NIPBL: variants seen among roughly 807,000 people sequenced by gnomAD.
NIPBL encodes the protein NIPBL cohesin loading factor.
Under a neutral mutation model 321.8 loss-of-function variants are expected in NIPBL, and 19 were observed. That is an observed-to-expected ratio of 0.06 (90% CI 0.04 to 0.09). The LOEUF is 0.09. Ranked by LOEUF, NIPBL falls within the 10% of genes least tolerant of loss-of-function variation. The pLI is 1.00. For missense variants in NIPBL, 2,210 were observed against 3,327.0 expected, an observed-to-expected ratio of 0.66 and a Z score of 8.26; for synonymous variants, 1,106 against 1,114.1, an observed-to-expected ratio of 0.99 and a Z score of 0.14.
rs924627519 is a variant in NIPBL at position 37,014,448 on chromosome 5, A to G, written c.4561-235A>G. Among the ~76,000 whole-genome samples the G allele has an allele frequency of 9.9e-5, 15 of 152,166 alleles. 1 individual carries two copies. In the East Asian group the frequency reaches 1.3e-3, roughly 14 times the overall value. ...TATTGATATTAAATTTGTTAACCAC[A>G]TATGTTACTCTTACATTATTTTAAT... On this transcript the variant is annotated intron_variant, in intron 21 of 46. Coordinates refer to ENST00000282516, the MANE Select transcript of NIPBL (RefSeq NM_133433.4).
chr5:36,960,012 G>C (rs572733978), intron 4 of NIPBL, among the ~76,000 whole-genome samples: 2 of 152,008 alleles, frequency 1.3e-5, no homozygotes, highest in African/African-American at 2.4e-5. Context: ...TAGGAGGATT[G>C]CTTGAGCCCA....
intron 38 of NIPBL, 84 bp from the exon 39 acceptor site, chr5:37,048,418 T>G: frequency 1.2e-4 from 96 of 813,374 alleles, no homozygotes; most frequent in East Asian, 3.1e-4. Flanking sequence ...AAGGAGCCGT[T>G]TATATAATTT....
Position 36,999,793 on chromosome 5 carries a change from ACTGTACAGGTTTTTT to A in NIPBL, c.3305-575_3305-561del, listed in dbSNP as rs1445154002. On this transcript the variant is annotated intron_variant, in intron 11 of 46. Transcript: ENST00000282516. Reference sequence around the variant, plus strand: ...TGAATTCATTATGTGAGTATTTACAACTGTACAGGTTTTTTCTGTCTCAGTAGGCTTGTCATGTTA... The same window carrying A: ...TGAATTCATTATGTGAGTATTTACAACTGTCTCAGTAGGCTTGTCATGTTA... 2.6e-5 allele frequency among the ~76,000 whole-genome samples: 4 copies of A among 152,306 alleles called. No individual in the cohort carries two copies. In the East Asian group the frequency reaches 5.8e-4, roughly 22 times the overall value.
chr5:37,039,479 T>C (rs1752087752), intron 34 of NIPBL, among the ~76,000 whole-genome samples: 2 of 152,038 alleles, frequency 1.3e-5, no homozygotes, highest in South Asian at 4.1e-4. Flanking sequence ...AAAGTATATA[T>C]GACAGCATAG....
At chr5:36,938,039 C>G (rs1208515394) in intron 1 of NIPBL, among the ~76,000 whole-genome samples, 3 of 152,114 alleles carry the variant, frequency 2.0e-5, no homozygotes, top group African/African-American at 7.2e-5. Flanking sequence ...CCATTTACCC[C>G]CTGCTCCTAA....
At chr5:36,970,509 G>A (rs1387168777) in intron 6 of NIPBL, among the ~76,000 whole-genome samples, 7 of 150,538 alleles carry the variant, frequency 4.6e-5, no homozygotes, top group Non-Finnish European at 8.9e-5. Flanking sequence ...AAATTATAAT[G>A]TAAAAACAAC....
chr5:36,922,990 A>G (rs965479501), intron 1 of NIPBL, among the ~76,000 whole-genome samples: 5 of 152,106 alleles, frequency 3.3e-5, no homozygotes, highest in Admixed American at 1.3e-4. Flanking sequence ...AACTAAACCA[A>G]TTAAAGCTGG....
rs1018283914 is a variant in NIPBL, at chr5:36,984,555, A to T, written c.1496-121A>T. On this transcript the variant is annotated intron_variant, in intron 9 of 46. Transcript: ENST00000282516. ...TACTATTTTATGTGTACATATTTGC[A>T]TTTGCATTTTACTCCATTTTAAAAA... 3 of 817,200 alleles carry T rather than the reference A, an allele frequency of 3.7e-6. No homozygotes were observed. The African/African-American group carries it at 5.2e-5, about 14-fold the overall frequency. 50.6% of individuals were successfully genotyped at this position (817,200 alleles called of 1,614,324 possible).
chr5:37,046,997 T>C (rs1753049265), intron 38 of NIPBL, among the ~76,000 whole-genome samples: 1 of 152,184 alleles, frequency 6.6e-6, no homozygotes, highest in African/African-American at 2.4e-5. Context: ...ATTACACCTG[T>C]ACTAAATATG....
At chr5:36,987,997 A>C (rs1429132116) in intron 10 of NIPBL, among the ~76,000 whole-genome samples, 1 of 152,138 alleles carries the variant, frequency 6.6e-6, no homozygotes, top group Non-Finnish European at 1.5e-5. Context: ...GTCAGGTGAA[A>C]GATGGAAAGT....
chr5:36,917,956 A>G (rs1229397700), intron 1 of NIPBL, among the ~76,000 whole-genome samples: 9 of 152,128 alleles, frequency 5.9e-5, no homozygotes, highest in African/African-American at 1.4e-4. Flanking sequence ...GTCAGGTAGC[A>G]TGATGCCTCC....
Position 37,064,949 on chromosome 5 carries a change from G to A in NIPBL, c.*57G>A. 1.2e-6 allele frequency: 2 copies of A among 1,603,806 alleles called. No individual in the cohort carries two copies. The highest frequency in any genetic ancestry group is 1.1e-5 in the South Asian group (1 of 90,604). On this transcript the variant is annotated 3_prime_UTR_variant, in exon 47 of 47. Coordinates refer to ENST00000282516, the MANE Select transcript of NIPBL (RefSeq NM_133433.4). ...ATTTTTTTAAAAGGCAGAAAAACTT[G>A]AAATACCAACATTCTGGCAAAAAAA...
chr5:37,055,461 T>G (rs895857386), intron 42 of NIPBL, among the ~76,000 whole-genome samples: 5 of 151,958 alleles, frequency 3.3e-5, no homozygotes, highest in African/African-American at 1.2e-4. Context: ...ACTGGAATAT[T>G]TTTATCTTGA....
In NIPBL at chr5:36,987,760, CA is replaced by C. The variant is rs1410509876; in HGVS notation, c.3121+1463del. Reference sequence around the variant, plus strand: ...TTTAAATTATGGCAATTAGACTTACCAAAAGTCAGTTAAGACATCAGCCTTA... The same window carrying C: ...TTTAAATTATGGCAATTAGACTTACCAAAGTCAGTTAAGACATCAGCCTTA... On this transcript the variant is annotated intron_variant, in intron 10 of 46. Transcript: ENST00000282516. Among the ~76,000 whole-genome samples, 15 of 152,182 alleles carry C rather than the reference CA, an allele frequency of 9.9e-5. No individual in the cohort carries two copies. The East Asian group carries it at 1.3e-3, about 14-fold the overall frequency.
In NIPBL at chr5:37,008,615, C is replaced by T. The variant is rs1298938591; in HGVS notation, c.4321-8C>T. On this transcript the variant is annotated splice_region_variant and splice_polypyrimidine_tract_variant and intron_variant, in intron 19 of 46. Coordinates refer to ENST00000282516, the MANE Select transcript of NIPBL (RefSeq NM_133433.4). Reference sequence around the variant, plus strand: ...AGTTTAACTTGGAATCTTATAATTACTAAACAGGTATTCTCAAGATATGAA... The same window carrying T: ...AGTTTAACTTGGAATCTTATAATTATTAAACAGGTATTCTCAAGATATGAA... The T allele has an allele frequency of 4.6e-6, 6 of 1,305,174 alleles. No individual in the cohort carries two copies. Among genetic ancestry groups the T allele is most frequent in the Non-Finnish European group, 5.6e-6 (5 of 899,588 alleles). The allele number at this position is 1,305,174 out of a possible 1,614,324, so 80.8% of individuals were successfully genotyped here.
chr5:36,941,727 T>C (rs1397871648), intron 1 of NIPBL, among the ~76,000 whole-genome samples: 2 of 152,194 alleles, frequency 1.3e-5, no homozygotes, highest in Non-Finnish European at 2.9e-5. Flanking sequence ...AAGTTTACTT[T>C]TGTGGAACTC....
In NIPBL at chr5:37,014,746, C is replaced by G. The variant is rs1162208947; in HGVS notation, c.4624C>G (p.Leu1542Val). The G allele has an allele frequency of 6.3e-7, 1 of 1,599,770 alleles. No individual in the cohort carries two copies. The highest frequency in any genetic ancestry group is 1.1e-5 in the South Asian group (1 of 90,770). Reference protein sequence around the residue: ...ETAMRTAQNFLSIFLKKCGSK... With the variant: ...ETAMRTAQNFVSIFLKKCGSK... ...AGCTATGCGAACAGCCCAAAACTTC[C>G]TCTCCATCTTCCTTAAAAAGTGAGT... is the stretch of plus-strand genomic sequence containing the variant. Residue 1542 changes from leucine (L) to valine (V), a missense_variant, in exon 22 of 47, where the codon CTC becomes GTC. Around this residue, in one of 14 missense-constraint regions of NIPBL, gnomAD observed 381 missense variants for 642.3 expected, o/e 0.59. Transcript: ENST00000282516.
At chr5:37,001,643 G>A (rs2149671118) in intron 14 of NIPBL, among the ~76,000 whole-genome samples, 2 of 152,152 alleles carry the variant, frequency 1.3e-5, no homozygotes, top group East Asian at 3.9e-4. Flanking sequence ...GTTAAGTGCT[G>A]GAGATGTAAA....
intron 32 of NIPBL, among the ~76,000 whole-genome samples, chr5:37,029,695 C>A (rs1750731305): frequency 6.6e-6 from 1 of 152,166 alleles, no homozygotes; most frequent in Non-Finnish European, 1.5e-5. Context: ...TCCGGTTGCT[C>A]CACATCCTCA....
Sources: allele counts gnomAD v4.1 joint callset (sites outside exome capture counted in the v4.1 genomes callset), GRCh38; gene constraint gnomAD v4.1.1; regional missense constraint gnomAD v4.1.1; transcripts MANE v1.5; gene names NCBI Gene and HGNC (gene_info 2026-07-23, HGNC 2026-07-21).